Variants in CKAP5 observed in about 807,000 individuals in gnomAD.
CKAP5 encodes the protein cytoskeleton-associated protein 5.
A neutral mutation model predicts 232.8 loss-of-function variants in CKAP5; 27 were observed. That is an observed-to-expected ratio of 0.12 (90% CI 0.09 to 0.16). The LOEUF (loss-of-function observed/expected upper bound fraction) is 0.16. CKAP5 is among the 10% of genes least tolerant of loss of function. The pLI is 1.00. For missense variants in CKAP5, 1,838 were observed against 2,424.7 expected, an observed-to-expected ratio of 0.76 and a Z score of 5.08; for synonymous variants, 785 against 841.1, an observed-to-expected ratio of 0.93 and a Z score of 1.16.
chr11:46,805,925 GA>G (rs1565745134), intron 8 of CKAP5, among the ~76,000 whole-genome samples: 1 of 151,992 alleles, frequency 6.6e-6, no homozygotes, highest in East Asian at 1.9e-4. Context: ...CAACAATAAC[GA>G]AACTCCATCT....
At chr11:46,754,557 T>C (rs544363396) in intron 36 of CKAP5, among the ~76,000 whole-genome samples, 2 of 152,332 alleles carry the variant, frequency 1.3e-5, no homozygotes, top group South Asian at 2.1e-4. Context: ...ATGTATACAA[T>C]GTATACTGAT....
rs1939399348 is a variant in CKAP5 at position 46,816,280 on chromosome 11, G to C, written c.376C>G (p.Gln126Glu). 1 of 1,614,104 alleles carries C rather than the reference G, an allele frequency of 6.2e-7. No individual in the cohort carries two copies. The highest frequency in any genetic ancestry group is 8.5e-7 in the Non-Finnish European group (1 of 1,180,010). ...YIEIEKGEAV[Q>E]EELLKGLDNK... ...TCCAAGCCTTTCAGGAGCTCTTCTTGAACAGCCTCTCCTTTCTCAATCTCT... is the reference window on the plus strand; with the variant it reads ...TCCAAGCCTTTCAGGAGCTCTTCTTCAACAGCCTCTCCTTTCTCAATCTCT... The change falls in exon 4 of 44, where the codon CAA becomes GAA. Residue 126 changes from glutamine (Q) to glutamate (E), a missense_variant. By Grantham distance (29) the Gln-to-Glu change is conservative. Coordinates refer to ENST00000529230, the MANE Select transcript of CKAP5 (RefSeq NM_001008938.4).
chr11:46,779,533 G>A (rs1171215207), intron 20 of CKAP5, among the ~76,000 whole-genome samples: 1 of 152,030 alleles, frequency 6.6e-6, no homozygotes, highest in East Asian at 1.9e-4. Context: ...GTCTCAGTAT[G>A]TTGCCCAGGC....
intron 24 of CKAP5, among the ~76,000 whole-genome samples, chr11:46,775,958 AG>A (rs1214167694): frequency 6.6e-6 from 1 of 152,116 alleles, no homozygotes; most frequent in Non-Finnish European, 1.5e-5. Flanking sequence ...TGTATCCCAG[AG>A]CTTAAATAAT....
intron 13 of CKAP5, among the ~76,000 whole-genome samples, chr11:46,792,366 G>C (rs982980981): frequency 6.6e-6 from 1 of 151,928 alleles, no homozygotes; most frequent in African/African-American, 2.4e-5. Flanking sequence ...CAGGCTGGAC[G>C]ACATGGTGAA....
At chr11:46,830,497 C>A (rs1440423311) in intron 1 of CKAP5, among the ~76,000 whole-genome samples, 5 of 150,976 alleles carry the variant, frequency 3.3e-5, no homozygotes, top group African/African-American at 1.2e-4. Context: ...GGCCACAGGC[C>A]TAGGAGTGCC....
rs142364564 is a variant in CKAP5 at position 46,752,161 on chromosome 11, CATATATATATATATATATAT to C, written c.5133+454_5133+473del. ...GGAAGGGAAAAACTGAAGACCAATT[CATATATATATATATATATAT>C]ATATATATATATACACACACACACA... On this transcript the variant is annotated intron_variant, in intron 38 of 43. Transcript: ENST00000529230. 1.2e-3 allele frequency among the ~76,000 whole-genome samples: 104 copies of C among 88,828 alleles called. 1 individual carries two copies. The highest frequency in any genetic ancestry group is 6.0e-3 in the Middle Eastern group (1 of 166). 58.3% of individuals were successfully genotyped at this position (88,828 alleles called of 152,430 possible). A position where few individuals can be genotyped will look rare whatever the true frequency, so the allele number is the denominator to read the frequency against.
chr11:46,842,645 G>A (rs567337624), intron 1 of CKAP5, among the ~76,000 whole-genome samples: 130 of 152,302 alleles, frequency 8.5e-4, no homozygotes, highest in African/African-American at 2.7e-3. Context: ...GATTCAACCC[G>A]GAAGGTGGAA....
chr11:46,822,693 G>C (rs1939563888), intron 1 of CKAP5, among the ~76,000 whole-genome samples: 2 of 137,282 alleles, frequency 1.5e-5, no homozygotes, highest in African/African-American at 5.6e-5. Context: ...GGAGCTTGCA[G>C]TGAGCCGAGA....
At chr11:46,774,968 A>G (rs1472139811) in intron 24 of CKAP5, among the ~76,000 whole-genome samples, 2 of 152,234 alleles carry the variant, frequency 1.3e-5, no homozygotes, top group Non-Finnish European at 2.9e-5. Context: ...AATCACAACA[A>G]AAGCCAAAAT....
chr11:46,840,046 A>C (rs1940013662), intron 1 of CKAP5, among the ~76,000 whole-genome samples: 1 of 152,076 alleles, frequency 6.6e-6, no homozygotes, highest in Non-Finnish European at 1.5e-5. Flanking sequence ...GGACAGATTG[A>C]GCCCAGGAGG....
chr11:46,757,887 ATTT>A (rs947880979), intron 35 of CKAP5, among the ~76,000 whole-genome samples: 4 of 108,142 alleles, frequency 3.7e-5, no homozygotes, highest in Non-Finnish European at 3.9e-5. Context: ...CACCTGGCCT[ATTT>A]TTTTTTTTTT....
Position 46,763,628 on chromosome 11 carries a change from C to A in CKAP5, c.3540G>T (p.Val1180=). The part of the protein sequence containing the change: ...QRMKDEKGLK[V]LKWNFTTPRD... ...GTGGGGTAGTAAAATTCCACTTTAG[C>A]ACCTGGAAAAAACAAACGGTGAAAA... is the stretch of plus-strand genomic sequence containing the variant. The change falls in exon 29 of 44, where the codon GTG becomes GTT. Residue 1180 remains valine, a splice_region_variant and synonymous_variant. Coordinates refer to ENST00000529230, the MANE Select transcript of CKAP5 (RefSeq NM_001008938.4). The A allele has an allele frequency of 1.3e-6, 2 of 1,535,938 alleles. No homozygotes were observed. Among genetic ancestry groups the A allele is most frequent in the African/African-American group, 2.8e-5 (2 of 71,196 alleles).
chr11:46,829,634 A>G (rs1292726858), intron 1 of CKAP5, among the ~76,000 whole-genome samples: 1 of 152,230 alleles, frequency 6.6e-6, no homozygotes, highest in Non-Finnish European at 1.5e-5. Flanking sequence ...TTAAACAATT[A>G]TGTTATCAAT....
At position 46,821,758 on chromosome 11, in the gene CKAP5, G is replaced by A. The variant is rs1592482155; in HGVS notation, c.-37-490C>T. 2.0e-5 allele frequency among the ~76,000 whole-genome samples: 3 copies of A among 152,030 alleles called. No homozygotes were observed. The South Asian group carries it at 6.2e-4, about 32-fold the overall frequency. ...TTTTTTTAAAGTCACTCAAAAGACA[G>A]GACACAGTGGTGGCTCATGCCTGTA... On this transcript the variant is annotated intron_variant, in intron 1 of 43. Transcript: ENST00000529230.
chr11:46,754,793 A>G, intron 36 of CKAP5, 95 bp downstream of exon 36: 1 of 1,020,470 alleles, frequency 9.8e-7, no homozygotes, highest in Non-Finnish European at 1.5e-6. Flanking sequence ...CAAGTGACAC[A>G]GGACTCACTG....
intron 24 of CKAP5, among the ~76,000 whole-genome samples, chr11:46,774,413 C>A (rs1169554282): frequency 1.3e-5 from 2 of 152,190 alleles, no homozygotes; most frequent in East Asian, 3.8e-4. Flanking sequence ...GCCATACTGC[C>A]TGAAGTAATT....
intron 4 of CKAP5, among the ~76,000 whole-genome samples, chr11:46,812,217 G>T (rs1031000922): frequency 6.6e-6 from 1 of 152,050 alleles, no homozygotes; most frequent in African/African-American, 2.4e-5. Flanking sequence ...TGTAATCCCA[G>T]CTACCTGGGA....
intron 5 of CKAP5, among the ~76,000 whole-genome samples, chr11:46,810,767 T>C (rs577458286): frequency 1.3e-5 from 2 of 152,296 alleles, no homozygotes; most frequent in East Asian, 3.9e-4. Flanking sequence ...TACATTTACA[T>C]CATCAGAAGA....
Sources: gnomAD v4.1 joint callset for allele counts (sites outside exome capture counted in the v4.1 genomes callset) on GRCh38, gnomAD v4.1.1 for gene constraint, MANE v1.5 for transcripts, NCBI Gene and HGNC (gene_info 2026-07-23, HGNC 2026-07-21) for gene names.